Variants in CEP83 observed in about 807,000 individuals in gnomAD.
CEP83 encodes the protein centrosomal protein 83, also known as centrosomal protein of 83 kDa.
CEP83 carries 70 observed loss-of-function variants against 101.9 expected under a neutral mutation model. The observed-to-expected ratio is 0.69, with a 90% CI of 0.57 to 0.84. The LOEUF (loss-of-function observed/expected upper bound fraction) is 0.84, where lower values mean the gene tolerates loss of function less well. Among genes scored for constraint, CEP83 ranks in the 40% least tolerant of loss-of-function variants. CEP83 has a pLI of 0.00. For missense variants in CEP83, 715 were observed against 787.2 expected, an observed-to-expected ratio of 0.91 and a Z score of 1.10; for synonymous variants, 264 against 267.9, an observed-to-expected ratio of 0.99 and a Z score of 0.14.
intron 6 of CEP83, among the ~76,000 whole-genome samples, chr12:94,383,157 T>TG (rs2061944273): frequency 6.6e-6 from 1 of 152,080 alleles, no homozygotes. Flanking sequence ...TCCTTTGCCC[T>TG]GAAGTCTGCT....
chr12:94,387,046 G>T (rs1398388864), intron 6 of CEP83, among the ~76,000 whole-genome samples: 1 of 152,168 alleles, frequency 6.6e-6, no homozygotes, highest in Non-Finnish European at 1.5e-5. Flanking sequence ...TGGGAAAACT[G>T]GCTAGCCATA....
intron 1 of CEP83, among the ~76,000 whole-genome samples, chr12:94,436,534 C>A: frequency 6.6e-6 from 1 of 151,922 alleles, no homozygotes. Context: ...CTGACAAAGA[C>A]AAAGAAAAAA....
At chr12:94,324,628 G>A (rs1018537302) in intron 14 of CEP83, among the ~76,000 whole-genome samples, 1 of 152,082 alleles carries the variant, frequency 6.6e-6, no homozygotes, top group African/African-American at 2.4e-5. Context: ...TTTCCTCACT[G>A]TACATCTTCT....
chr12:94,311,988 T>C (rs992122826), intron 15 of CEP83, among the ~76,000 whole-genome samples: 2 of 151,954 alleles, frequency 1.3e-5, no homozygotes, highest in Admixed American at 6.6e-5. Context: ...GGCAGGAGAA[T>C]AGATTAAGCC....
At chr12:94,278,786 A>C in the CEP83 span, among the ~76,000 whole-genome samples, 1 of 152,282 alleles carries the variant, frequency 6.6e-6, no homozygotes, top group African/African-American at 2.4e-5. Flanking sequence ...TCACAAGGTC[A>C]GGACTTTGAG....
At chr12:94,379,113 G>A (rs1407708864) in intron 6 of CEP83, 71 bp from the exon 7 acceptor site, 44 of 1,297,080 alleles carry the variant, frequency 3.4e-5, no homozygotes, top group Non-Finnish European at 1.1e-6. Context: ...TGCTTTACAA[G>A]TCAGTAAAAT....
At chr12:94,451,151 C>T (rs1594153634) in intron 1 of CEP83, among the ~76,000 whole-genome samples, 1 of 152,130 alleles carries the variant, frequency 6.6e-6, no homozygotes, top group East Asian at 1.9e-4. Flanking sequence ...CCTCTTCTTA[C>T]ATCAAATGCA....
intron 11 of CEP83, among the ~76,000 whole-genome samples, chr12:94,337,597 G>C (rs2059504166): frequency 6.6e-6 from 1 of 152,102 alleles, no homozygotes; most frequent in Non-Finnish European, 1.5e-5. Flanking sequence ...AATACTCAAG[G>C]TGTGTCACAG....
chr12:94,268,502 C>A, the CEP83 span, among the ~76,000 whole-genome samples: 1 of 151,196 alleles, frequency 6.6e-6, no homozygotes, highest in Non-Finnish European at 1.5e-5. Flanking sequence ...AATGTCAGCA[C>A]CAGGGGTAGG....
Position 94,451,134 on chromosome 12 carries a change from C to T in CEP83, c.-155+8423G>A, listed in dbSNP as rs143332316. On this transcript the variant is annotated intron_variant, in intron 1 of 16. Coordinates refer to ENST00000397809, the MANE Select transcript of CEP83 (RefSeq NM_016122.3). Reference sequence around the variant, plus strand: ...GGCATTCACATTTTTAAAAAATGAACTTAGATCCTCTTCTTACATCAAATG... The same window carrying T: ...GGCATTCACATTTTTAAAAAATGAATTTAGATCCTCTTCTTACATCAAATG... Among the ~76,000 whole-genome samples the T allele has an allele frequency of 9.1e-4, 138 of 152,202 alleles. 1 individual carries two copies. Among genetic ancestry groups the T allele is most frequent in the East Asian group, 4.6e-3 (24 of 5,188 alleles).
At chr12:94,371,642 A>C (rs2061314870) in intron 8 of CEP83, among the ~76,000 whole-genome samples, 1 of 152,194 alleles carries the variant, frequency 6.6e-6, no homozygotes, top group East Asian at 1.9e-4. Context: ...CAGAAACAGG[A>C]AAATAAAAGA....
the CEP83 span, among the ~76,000 whole-genome samples, chr12:94,299,074 A>G: frequency 1.2e-4 from 19 of 152,222 alleles, no homozygotes; most frequent in African/African-American, 4.6e-4. Flanking sequence ...GTTGACCAGT[A>G]AAGAATGAGA....
chr12:94,304,072 G>T, downstream of CEP83: 1 of 1,383,202 alleles, frequency 7.2e-7, no homozygotes, highest in Non-Finnish European at 1.0e-6. Context: ...AAATAACATT[G>T]TTTTTAACCT....
intron 14 of CEP83, among the ~76,000 whole-genome samples, chr12:94,326,534 T>G (rs1459552752): frequency 6.6e-6 from 1 of 152,138 alleles, no homozygotes; most frequent in Non-Finnish European, 1.5e-5. Context: ...CTGGTTGGTA[T>G]CCAGAGAACA....
At chr12:94,328,915 A>G (rs2059089093) in intron 14 of CEP83, among the ~76,000 whole-genome samples, 1 of 152,216 alleles carries the variant, frequency 6.6e-6, no homozygotes, top group Non-Finnish European at 1.5e-5. Context: ...TGTAAAAGCT[A>G]TTTGAATGCT....
chr12:94,416,625 T>C (rs1275637376), intron 2 of CEP83, among the ~76,000 whole-genome samples: 1 of 146,836 alleles, frequency 6.8e-6, no homozygotes, highest in Non-Finnish European at 1.5e-5. Context: ...AAAGATTAGG[T>C]GGAAGCCAAG....
the CEP83 span, among the ~76,000 whole-genome samples, chr12:94,269,607 G>A: frequency 5.1e-4 from 78 of 152,284 alleles, 2 homozygotes; most frequent in African/African-American, 1.6e-3. Flanking sequence ...CCACTGTCCC[G>A]ATTAAGTCAT....
At chr12:94,297,839 T>C in the CEP83 span, among the ~76,000 whole-genome samples, 1 of 152,244 alleles carries the variant, frequency 6.6e-6, no homozygotes, top group Non-Finnish European at 1.5e-5. Flanking sequence ...TCTTAATTTT[T>C]GTTTTTCATT....
At chr12:94,310,172 C>T (rs1593061094) in intron 15 of CEP83, 65 bp from the exon 16 acceptor site, 2 of 670,150 alleles carry the variant, frequency 3.0e-6, no homozygotes, top group East Asian at 2.8e-5. Flanking sequence ...GTATGATTCA[C>T]AGAATATAAT....
Sources: allele counts gnomAD v4.1 joint callset (sites outside exome capture counted in the v4.1 genomes callset), GRCh38; gene constraint gnomAD v4.1.1; transcripts MANE v1.5; gene names NCBI Gene and HGNC (gene_info 2026-07-23, HGNC 2026-07-21).